Variants in FGFBP1 observed in about 807,000 individuals in gnomAD.
FGFBP1 encodes fibroblast growth factor-binding protein 1.
FGFBP1 carries 12 observed loss-of-function variants against 14.6 expected under a neutral mutation model. The observed-to-expected ratio is 0.82, with a 90% CI of 0.53 to 1.33. FGFBP1 has a LOEUF of 1.33. Among genes scored for constraint, FGFBP1 ranks in the 40% most tolerant of loss-of-function variants. FGFBP1 has a pLI of 0.00. For missense variants in FGFBP1, 317 were observed against 271.8 expected, an observed-to-expected ratio of 1.17 and a Z score of -1.17; for synonymous variants, 117 against 105.0, an observed-to-expected ratio of 1.11 and a Z score of -0.70.
chr4:15,936,754 A>AT, intron 2 of FGFBP1, 102 bp from the exon 3 acceptor site: 1 of 677,996 alleles, frequency 1.5e-6, no homozygotes, highest in South Asian at 1.9e-5. Flanking sequence ...ACATGATTTC[A>AT]GAGTAGACCA....
chr4:15,936,575 G>A lies in FGFBP1; in HGVS notation c.58C>T (p.Leu20=), dbSNP rs761370247. The change falls in exon 3 of 3, where the codon CTG becomes TTG. Residue 20 remains leucine (L), a synonymous_variant. Coordinates refer to ENST00000382333, the MANE Select transcript of FGFBP1 (RefSeq NM_005130.5). ...TTCACTTTTTTTTTCCCCTCCACCA[G>A]GAGCACCTGAGCAGCCAGTAGGAGG... ...SFLLLAAQVL[L]VEGKKKVKNG... The A allele has an allele frequency of 8.1e-6, 13 of 1,613,226 alleles. No individual in the cohort carries two copies. The Middle Eastern group carries it at 5.0e-4, about 62-fold the overall frequency.
At position 15,935,937 on chromosome 4, in the gene FGFBP1, C is replaced by A. The variant is rs774823964; in HGVS notation, c.696G>T (p.Thr232=). ...CTFFLSIVQD[T]SC ...TTCTCTTTTGACCTCATTAGCATGA[C>A]GTGTCCTGCACTATGCTGAGGAAGA... The change falls in exon 3 of 3, where the codon ACG becomes ACT. Residue 232 remains threonine (T), a synonymous_variant. Transcript: ENST00000382333. The A allele has an allele frequency of 1.9e-6, 3 of 1,592,478 alleles. No individual in the cohort carries two copies. Among genetic ancestry groups the A allele is most frequent in the African/African-American group, 2.7e-5 (2 of 74,216 alleles).
In FGFBP1 at chr4:15,936,489, A is replaced by G. The variant is rs773709726; in HGVS notation, c.144T>C (p.Ile48=). 6.8e-6 allele frequency: 11 copies of G among 1,614,088 alleles called. No individual in the cohort carries two copies. In the South Asian group the frequency reaches 1.1e-4, roughly 16 times the overall value. ...EQKDTLGNTQ[I]KQKSRPGNKG... Reference sequence around the variant, plus strand: ...TGTTCCCGGGCCTGCTTTTCTGCTTAATCTGGGTGTTGCCCAGAGTGTCCT... The same window carrying G: ...TGTTCCCGGGCCTGCTTTTCTGCTTGATCTGGGTGTTGCCCAGAGTGTCCT... The change falls in exon 3 of 3, where the codon ATT becomes ATC. Residue 48 remains isoleucine, a synonymous_variant. Transcript: ENST00000382333.
chr4:15,935,845 G>T lies in FGFBP1; in HGVS notation c.*83C>A. ...ACTAAGCACAAAAGTTCATATTTTG[G>T]GGGGACTGTAGAGAGCTTTAAAGTA... On this transcript the variant is annotated 3_prime_UTR_variant, in exon 3 of 3. Coordinates refer to ENST00000382333, the MANE Select transcript of FGFBP1 (RefSeq NM_005130.5). 1.3e-6 allele frequency: 1 copy of T among 774,020 alleles called. No individual in the cohort carries two copies. The highest frequency in any genetic ancestry group is 2.0e-6 in the Non-Finnish European group (1 of 501,546). The allele number at this position is 774,020 out of a possible 1,614,324, so 47.9% of individuals were successfully genotyped here.
At chr4:15,937,456 A>G (rs1712524032) in intron 2 of FGFBP1, among the ~76,000 whole-genome samples, 2 of 152,234 alleles carry the variant, frequency 1.3e-5, no homozygotes, top group Non-Finnish European at 2.9e-5. Context: ...GATCGAAGAC[A>G]AGGATCATGA....
rs1560343563 is a variant in FGFBP1 at position 15,936,085 on chromosome 4, CT to C, written c.547del (p.Ser183AlafsTer2). On this transcript the variant is annotated frameshift_variant, in exon 3 of 3. Coordinates refer to ENST00000382333, the MANE Select transcript of FGFBP1 (RefSeq NM_005130.5). LOFTEE classifies it high-confidence loss of function. Reference sequence around the variant, plus strand: ...GGCCATGGTCTGGGTCACTGCTAGGCTAGAGGGGGTGGTCTCTTTGCCTTTG... The same window carrying C: ...GGCCATGGTCTGGGTCACTGCTAGGCAGAGGGGGTGGTCTCTTTGCCTTTG... Reference protein sequence around the residue: ...HIKGKETTPSSLAVTQTMATK... With the variant: ...HIKGKETTPSXLAVTQTMATK... 1.2e-6 allele frequency: 2 copies of C among 1,614,110 alleles called. No homozygotes were observed. The highest frequency in any genetic ancestry group is 2.2e-5 in the South Asian group (2 of 91,088).
chr4:15,936,735 C>T (rs1412020026), intron 2 of FGFBP1, 83 bp from the exon 3 acceptor site: 1 of 770,970 alleles, frequency 1.3e-6, no homozygotes, highest in Non-Finnish European at 2.1e-6. Context: ...CCTACCCTGA[C>T]AGGTGCCTAC....
intron 2 of FGFBP1, among the ~76,000 whole-genome samples, chr4:15,937,734 T>C (rs1367735066): frequency 6.6e-6 from 1 of 152,172 alleles, no homozygotes; most frequent in African/African-American, 2.4e-5. Flanking sequence ...CAGGATCTCA[T>C]AGTGGGCAAG....
In FGFBP1 at chr4:15,936,588, A is replaced by T. The variant is rs756063894; in HGVS notation, c.45T>A (p.Ala15=). ...TCCCCTCCACCAGGAGCACCTGAGC[A>T]GCCAGTAGGAGGAAGGAGAGCAGGG... The part of the protein sequence containing the change: ...SLTLLSFLLL[A]AQVLLVEGKK... The change falls in exon 3 of 3, where the codon GCT becomes GCA. Residue 15 remains alanine, a synonymous_variant. Transcript: ENST00000382333. 6.2e-7 allele frequency: 1 copy of T among 1,613,032 alleles called. No homozygotes were observed. The highest frequency in any genetic ancestry group is 8.5e-7 in the Non-Finnish European group (1 of 1,179,970).
At position 15,936,371 on chromosome 4, in the gene FGFBP1, A is replaced by G. The variant is rs138139899; in HGVS notation, c.262T>C (p.Leu88=). ...AAGACACAGGAAAATTCATGGTCCA[A>G]TTGAGTGCACTCAACCTTGAGAGAG... is the stretch of plus-strand genomic sequence containing the variant. ...GISLKVECTQ[L]DHEFSCVFAG... The change falls in exon 3 of 3, where the codon TTG becomes CTG. Residue 88 remains leucine, a synonymous_variant. Coordinates refer to ENST00000382333, the MANE Select transcript of FGFBP1 (RefSeq NM_005130.5). The G allele has an allele frequency of 1.2e-5, 20 of 1,614,196 alleles. No individual in the cohort carries two copies. In the African/African-American group the frequency reaches 1.6e-4, roughly 13 times the overall value.
rs142042895 is a variant in FGFBP1, at chr4:15,935,940, G to A, written c.693C>T (p.Asp231=). 8.7e-6 allele frequency: 14 copies of A among 1,604,026 alleles called. No individual in the cohort carries two copies. Among genetic ancestry groups the A allele is most frequent in the Admixed American group, 3.4e-5 (2 of 59,294 alleles). ...TCTTTTGACCTCATTAGCATGACGT[G>A]TCCTGCACTATGCTGAGGAAGAATG... ...LCTFFLSIVQ[D]TSC Residue 231 remains aspartate, a synonymous_variant, in exon 3 of 3, where the codon GAC becomes GAT. Transcript: ENST00000382333.
Position 15,936,271 on chromosome 4 carries a change from C to G in FGFBP1, c.362G>C (p.Arg121Pro). 1 of 1,614,152 alleles carries G rather than the reference C, an allele frequency of 6.2e-7. No individual in the cohort carries two copies. ...VYWKQVARNL[R>P]SQKDICRYSK... ...ATATCTACAGATGTCTTTCTGTGAG[C>G]GCAGATTCCGGGCAACTTGTTTCCA... The change falls in exon 3 of 3, where the codon CGC becomes CCC. Residue 121 changes from arginine (R) to proline (P), a missense_variant. By Grantham distance (103) the Arg-to-Pro change is moderately radical (BLOSUM62 -2). Coordinates refer to ENST00000382333, the MANE Select transcript of FGFBP1 (RefSeq NM_005130.5).
chr4:15,935,727 C>A lies in FGFBP1; in HGVS notation c.*201G>T. 2.2e-6 allele frequency: 1 copy of A among 461,348 alleles called. No individual in the cohort carries two copies. Among genetic ancestry groups the A allele is most frequent in the Non-Finnish European group, 3.8e-6 (1 of 263,228 alleles). The allele number at this position is 461,348 out of a possible 1,614,324, so 28.6% of individuals were successfully genotyped here. On this transcript the variant is annotated 3_prime_UTR_variant, in exon 3 of 3. Transcript: ENST00000382333. ...CCATGGAAATACATGCTGCAGGAAA[C>A]AGCCTCTGAACATCGCATCCAAGAA...
In FGFBP1 at chr4:15,936,541, A is replaced by T; in HGVS notation, c.92T>A (p.Leu31His). ...VEGKKKVKNG[L>H]HSKVVSEQKD... ...TTGTTCTGAGACCACTTTGCTGTGA[A>T]GTCCATTCTTCACTTTTTTTTTCCC... The change falls in exon 3 of 3, where the codon CTT becomes CAT. Residue 31 changes from leucine (L) to histidine (H), a missense_variant. Physicochemically the swap from Leu to His is moderately conservative, Grantham distance 99. Transcript: ENST00000382333. 4 of 1,613,954 alleles carry T rather than the reference A, an allele frequency of 2.5e-6. No homozygotes were observed. Among genetic ancestry groups the T allele is most frequent in the Non-Finnish European group, 3.4e-6 (4 of 1,180,010 alleles).
chr4:15,936,567 C>T lies in FGFBP1; in HGVS notation c.66G>A (p.Glu22=), dbSNP rs759916905. The T allele has an allele frequency of 8.1e-6, 13 of 1,613,354 alleles. No homozygotes were observed. The highest frequency in any genetic ancestry group is 1.1e-5 in the Non-Finnish European group (13 of 1,179,970). The part of the protein sequence containing the change: ...LLLAAQVLLV[E]GKKKVKNGLH... The stretch of plus-strand genomic sequence containing the variant: ...GTCCATTCTTCACTTTTTTTTTCCC[C>T]TCCACCAGGAGCACCTGAGCAGCCA... Residue 22 remains glutamate, a synonymous_variant, in exon 3 of 3, where the codon GAG becomes GAA. Coordinates refer to ENST00000382333, the MANE Select transcript of FGFBP1 (RefSeq NM_005130.5).
intron 2 of FGFBP1, among the ~76,000 whole-genome samples, chr4:15,937,148 A>G (rs1259081736): frequency 6.6e-6 from 1 of 152,208 alleles, no homozygotes; most frequent in Non-Finnish European, 1.5e-5. Flanking sequence ...TCAGCTCCAA[A>G]GGGCTGGATT....
chr4:15,936,628 T>G lies in FGFBP1; in HGVS notation c.5A>C (p.Lys2Thr). 1 of 1,598,544 alleles carries G rather than the reference T, an allele frequency of 6.3e-7. No individual in the cohort carries two copies. Among genetic ancestry groups the G allele is most frequent in the Non-Finnish European group, 8.5e-7 (1 of 1,174,856 alleles). ...GGAGAGCAGGGTGAGGCTACAGATC[T>G]TCATGGCTGCAGCTGGGCGTTCACC... Reference protein sequence around the residue: MKICSLTLLSFL... With the variant: MTICSLTLLSFL... The change falls in exon 3 of 3, where the codon AAG becomes ACG. Residue 2 changes from lysine (K) to threonine (T), a missense_variant. Lys to Thr is a moderately conservative substitution (Grantham distance 78). Coordinates refer to ENST00000382333, the MANE Select transcript of FGFBP1 (RefSeq NM_005130.5).
At position 15,936,381 on chromosome 4, in the gene FGFBP1, C is replaced by G; in HGVS notation, c.252G>C (p.Glu84Asp). 1 of 1,614,182 alleles carries G rather than the reference C, an allele frequency of 6.2e-7. No individual in the cohort carries two copies. Among genetic ancestry groups the G allele is most frequent in the Non-Finnish European group, 8.5e-7 (1 of 1,180,028 alleles). ...AAAATTCATGGTCCAATTGAGTGCA[C>G]TCAACCTTGAGAGAGATGCCCTCCT... ...EQEEGISLKV[E>D]CTQLDHEFSC... The change falls in exon 3 of 3, where the codon GAG (glutamate) becomes GAC (aspartate). Residue 84 changes from glutamate (E) to aspartate (D), a missense_variant. Physicochemically the swap from Glu to Asp is conservative, Grantham distance 45. Transcript: ENST00000382333.
chr4:15,938,628 A>T (rs1194101716), intron 1 of FGFBP1, 59 bp downstream of exon 1: 1 of 152,192 alleles, frequency 6.6e-6, no homozygotes. Flanking sequence ...ATGTCTATGG[A>T]GGAGTAAAAT....
Sources: allele counts gnomAD v4.1 joint callset (sites outside exome capture counted in the v4.1 genomes callset), GRCh38; gene constraint gnomAD v4.1.1; transcripts MANE v1.5; gene names NCBI Gene and HGNC (gene_info 2026-07-23, HGNC 2026-07-21).